Variants in CYTH1 observed in about 807,000 individuals in gnomAD.
The protein encoded by CYTH1 is cytohesin-1.
A neutral mutation model predicts 61.8 loss-of-function variants in CYTH1; 18 were observed. The ratio of observed to expected loss-of-function variants is 0.29; its 90% CI spans 0.20 to 0.43. CYTH1 has a LOEUF of 0.43. Among genes scored for constraint, CYTH1 ranks in the 20% least tolerant of loss-of-function variants. The probability of loss-of-function intolerance (pLI) is 1.00; values close to 1 mark genes in which losing one functional copy is unlikely to be tolerated. For synonymous variants in CYTH1, 174 were observed against 184.3 expected (o/e 0.94, Z 0.45); for missense variants, 336 against 510.5 (o/e 0.66, Z 3.29).
At position 78,675,836 on chromosome 17, in the gene CYTH1, C is replaced by T. The variant is rs1427876867; in HGVS notation, c.*255G>A. ...GAAACTGGCCAGGAGGCTGCCCTGC[C>T]GACAAGAGCTCTGCCCTGTGAGAGA... On this transcript the variant is annotated 3_prime_UTR_variant, in exon 14 of 14. Transcript: ENST00000446868. The T allele has an allele frequency of 6.9e-6, 10 of 1,439,734 alleles. No individual in the cohort carries two copies. The highest frequency in any genetic ancestry group is 3.0e-5 in the South Asian group (2 of 66,344). The allele number at this position is 1,439,734 out of a possible 1,614,324, so 89.2% of individuals were successfully genotyped here.
chr17:78,743,557 C>A (rs2093349353), intron 1 of CYTH1, among the ~76,000 whole-genome samples: 1 of 152,198 alleles, frequency 6.6e-6, no homozygotes, highest in Non-Finnish European at 1.5e-5. Flanking sequence ...AATGCAGGTA[C>A]TCCAAAATCC....
At chr17:78,741,819 G>A (rs1034011683) in intron 1 of CYTH1, among the ~76,000 whole-genome samples, 4 of 152,188 alleles carry the variant, frequency 2.6e-5, no homozygotes, top group South Asian at 2.1e-4. Flanking sequence ...GACAGCCTCC[G>A]GCAGACAGCA....
chr17:78,694,580 T>G (rs2092920178), intron 10 of CYTH1, among the ~76,000 whole-genome samples: 1 of 152,138 alleles, frequency 6.6e-6, no homozygotes. Flanking sequence ...TCTGAGAACT[T>G]TGGTCTTCCA....
At chr17:78,680,864 AAAGC>A (rs2092753678) in intron 12 of CYTH1, 103 bp downstream of exon 12, 1 of 1,091,618 alleles carries the variant, frequency 9.2e-7, no homozygotes. Flanking sequence ...AGACTAAATA[AAAGC>A]CTGATCACGC....
intron 1 of CYTH1, among the ~76,000 whole-genome samples, chr17:78,773,498 C>T (rs897146904): frequency 2.7e-5 from 4 of 150,622 alleles, no homozygotes; most frequent in South Asian, 2.1e-4. Flanking sequence ...GGCATGGTGG[C>T]GTGCGCCTGT....
At chr17:78,760,384 T>TATATATATATATATAC (rs751494741) in intron 1 of CYTH1, among the ~76,000 whole-genome samples, 12 of 51,404 alleles carry the variant, frequency 2.3e-4, no homozygotes, top group South Asian at 6.3e-4. Flanking sequence ...TATATATATA[T>TATATATATATATATAC]ACACACACAT....
At position 78,675,779 on chromosome 17, in the gene CYTH1, C is replaced by T. The variant is rs930012214; in HGVS notation, c.*312G>A. ...GGACAACCAAGAGGTAAACAGTTGG[C>T]TCTGAGCTCTGCTACCAGAACACTG... On this transcript the variant is annotated 3_prime_UTR_variant, in exon 14 of 14. Transcript: ENST00000446868. 1.2e-4 allele frequency: 136 copies of T among 1,142,806 alleles called. No individual in the cohort carries two copies. The highest frequency in any genetic ancestry group is 1.5e-4 in the Non-Finnish European group (126 of 835,558). The allele number at this position is 1,142,806 out of a possible 1,614,324, so 70.8% of individuals were successfully genotyped here.
chr17:78,709,517 G>A (rs2093105604), intron 2 of CYTH1, 133 bp downstream of exon 2: 4 of 803,752 alleles, frequency 5.0e-6, no homozygotes, highest in African/African-American at 3.4e-5. Flanking sequence ...CAACACCTAC[G>A]CTTTGTGCAG....
chr17:78,677,868 C>T (rs1220985402), intron 13 of CYTH1: 1 of 152,250 alleles, frequency 6.6e-6, no homozygotes, highest in Admixed American at 6.5e-5. Flanking sequence ...TGAGGCTGCA[C>T]GGTGGTTACC....
intron 11 of CYTH1, chr17:78,691,488 A>T (rs2092885623): frequency 6.6e-6 from 1 of 152,182 alleles, no homozygotes; most frequent in African/African-American, 2.4e-5. Context: ...TTTTGCTCTA[A>T]ACTGATTTTA....
At chr17:78,699,449 G>A (rs574936121) in intron 7 of CYTH1, among the ~76,000 whole-genome samples, 1 of 151,932 alleles carries the variant, frequency 6.6e-6, no homozygotes, top group African/African-American at 2.4e-5. Context: ...CTGTCTGAAA[G>A]GAGCAAGGCA....
intron 3 of CYTH1, among the ~76,000 whole-genome samples, chr17:78,707,057 G>A (rs532987151): frequency 1.3e-5 from 2 of 152,230 alleles, no homozygotes; most frequent in East Asian, 1.9e-4. Context: ...GAAGTCCAAC[G>A]TATCCGTTTC....
At chr17:78,751,345 C>T (rs1598908433) in intron 1 of CYTH1, among the ~76,000 whole-genome samples, 2 of 152,080 alleles carry the variant, frequency 1.3e-5, no homozygotes, top group Admixed American at 1.3e-4. Context: ...AGCAAAGCTT[C>T]GCTAACATAC....
In CYTH1 at chr17:78,733,632, G is replaced by A. The variant is rs145303296; in HGVS notation, c.23-23900C>T. Among the ~76,000 whole-genome samples the A allele has an allele frequency of 4.6e-5, 7 of 152,368 alleles. No homozygotes were observed. In the East Asian group the frequency reaches 9.6e-4, roughly 21 times the overall value. ...GTAAGCCCGTAGCAGCAGCACACCC[G>A]GCCACAGCGGCCAAGTGCAGCAAGT... is the stretch of plus-strand genomic sequence containing the variant. On this transcript the variant is annotated intron_variant, in intron 1 of 13. Coordinates refer to ENST00000446868, the MANE Select transcript of CYTH1 (RefSeq NM_004762.6).
intron 11 of CYTH1, among the ~76,000 whole-genome samples, chr17:78,686,885 G>A (rs1031477485): frequency 1.1e-4 from 16 of 152,092 alleles, no homozygotes; most frequent in Admixed American, 2.6e-4. Context: ...GGGTTCAAGC[G>A]ATTCTCCTGC....
intron 11 of CYTH1, among the ~76,000 whole-genome samples, chr17:78,685,069 C>T (rs1035912420): frequency 7.9e-5 from 12 of 151,896 alleles, no homozygotes; most frequent in Admixed American, 2.6e-4. Flanking sequence ...TGTGGTGGCA[C>T]GTGCCTGTAA....
chr17:78,681,254 G>A (rs2092759225), intron 11 of CYTH1, among the ~76,000 whole-genome samples: 2 of 152,178 alleles, frequency 1.3e-5, no homozygotes, highest in Admixed American at 1.3e-4. Flanking sequence ...TCCGCGAGTA[G>A]AAAGACCAGA....
At chr17:78,731,478 C>T (rs1325934553) in intron 1 of CYTH1, among the ~76,000 whole-genome samples, 1 of 152,028 alleles carries the variant, frequency 6.6e-6, no homozygotes, top group African/African-American at 2.4e-5. Flanking sequence ...AAGGAAATCT[C>T]GTCGGGCGCG....
rs138378165 is a variant in CYTH1, at chr17:78,755,805, G to A, written c.22+26397C>T. 4.6e-3 allele frequency among the ~76,000 whole-genome samples: 700 copies of A among 151,992 alleles called. 5 individuals are homozygous for A. The highest frequency in any genetic ancestry group is 0.031 in the South Asian group (151 of 4,818). ...GCAAGCCTGTAGTCCCAGCTACTTG[G>A]GAGGCTGAGGTGGAAGGACTGCTTG... On this transcript the variant is annotated intron_variant, in intron 1 of 13. Transcript: ENST00000446868.
Sources: allele counts gnomAD v4.1 joint callset (sites outside exome capture counted in the v4.1 genomes callset), GRCh38; gene constraint gnomAD v4.1.1; transcripts MANE v1.5; gene names NCBI Gene and HGNC (gene_info 2026-07-23, HGNC 2026-07-21).